GPM6A: variants seen among roughly 807,000 people sequenced by gnomAD.
GPM6A encodes the protein neuronal membrane glycoprotein M6-a.
Under a neutral mutation model 32.1 loss-of-function variants are expected in GPM6A, and 7 were observed. That is an observed-to-expected ratio of 0.22 (90% CI 0.12 to 0.41). GPM6A has a LOEUF of 0.41. Among genes scored for constraint, GPM6A ranks in the 10% least tolerant of loss-of-function variants. The pLI, the probability that GPM6A is intolerant of heterozygous loss-of-function variation, is 1.00. For missense variants in GPM6A, 235 were observed against 347.2 expected, an observed-to-expected ratio of 0.68 and a Z score of 2.57; for synonymous variants, 130 against 123.4, an observed-to-expected ratio of 1.05 and a Z score of -0.35.
intron 1 of GPM6A, chr4:175,807,568 A>G (rs1034678354): frequency 6.6e-6 from 1 of 152,232 alleles, no homozygotes; most frequent in African/African-American, 2.4e-5. Context: ...CGTTCTCAAG[A>G]AAGAAGGCCA....
chr4:175,872,064 A>G (rs1331347325), intron 1 of GPM6A, among the ~76,000 whole-genome samples: 1 of 151,980 alleles, frequency 6.6e-6, no homozygotes, highest in East Asian at 1.9e-4. Context: ...GATTCCACAT[A>G]TTTATTATTT....
At chr4:175,904,044 G>A (rs996311997) in intron 1 of GPM6A, among the ~76,000 whole-genome samples, 3 of 152,066 alleles carry the variant, frequency 2.0e-5, no homozygotes, top group Non-Finnish European at 4.4e-5. Context: ...TATTCTATGT[G>A]GATGGAGTAA....
intron 6 of GPM6A, among the ~76,000 whole-genome samples, chr4:175,636,589 A>T (rs1219525802): frequency 6.7e-6 from 1 of 150,346 alleles, no homozygotes. Flanking sequence ...TGAGGTCAGG[A>T]GTCCAAGACC....
intron 2 of GPM6A, among the ~76,000 whole-genome samples, chr4:175,675,824 G>T (rs1013836820): frequency 6.7e-5 from 10 of 150,142 alleles, no homozygotes; most frequent in African/African-American, 9.7e-5. Flanking sequence ...AAATTTCTTC[G>T]TTTTTTTTGT....
intron 1 of GPM6A, among the ~76,000 whole-genome samples, chr4:175,807,779 C>T (rs569911326): frequency 7.9e-5 from 12 of 152,190 alleles, no homozygotes; most frequent in Middle Eastern, 3.4e-3. Flanking sequence ...GGCAGTCCTT[C>T]GAAGGAGTGT....
intron 1 of GPM6A, among the ~76,000 whole-genome samples, chr4:175,953,318 T>A (rs1397840163): frequency 6.6e-6 from 1 of 151,990 alleles, no homozygotes; most frequent in African/African-American, 2.4e-5. Flanking sequence ...AGAGAAGTAG[T>A]CTAAGGGAAA....
intron 1 of GPM6A, among the ~76,000 whole-genome samples, chr4:175,744,436 C>T (rs577859735): frequency 6.1e-4 from 92 of 151,606 alleles, no homozygotes; most frequent in Non-Finnish European, 1.2e-3. Flanking sequence ...ATCTAAGCAT[C>T]CACTTTAAGA....
chr4:175,640,337 G>A (rs967171672), intron 5 of GPM6A, 143 bp from the exon 6 acceptor site: 1 of 658,000 alleles, frequency 1.5e-6, no homozygotes, highest in South Asian at 1.8e-5. Context: ...GATTAAAACA[G>A]ATTATTACAA....
At chr4:175,896,833 A>G (rs1737807659) in intron 1 of GPM6A, among the ~76,000 whole-genome samples, 2 of 152,202 alleles carry the variant, frequency 1.3e-5, no homozygotes. Context: ...ATGAAAAGAC[A>G]TTGATGTTTG....
In GPM6A at chr4:175,865,797, T is replaced by G. The variant is rs1736716193; in HGVS notation, c.-22-53548A>C. ...CTGCTGAGGAATATTTGTCTGTAGT[T>G]TTATTTCTTTGGATTTTCTTTGATT... On this transcript the variant is annotated intron_variant, in intron 1 of 7. Transcript: ENST00000280187. Among the ~76,000 whole-genome samples, 3 of 152,150 alleles carry G rather than the reference T, an allele frequency of 2.0e-5. No individual in the cohort carries two copies. In the South Asian group the frequency reaches 6.2e-4, roughly 31 times the overall value.
At position 175,640,145 on chromosome 4, in the gene GPM6A, G is replaced by A; in HGVS notation, c.668C>T (p.Ala223Val). 1 of 1,613,244 alleles carries A rather than the reference G, an allele frequency of 6.2e-7. No homozygotes were observed. The highest frequency in any genetic ancestry group is 8.5e-7 in the Non-Finnish European group (1 of 1,179,272). ...AGGTCTTACCATAGCAATGACTGCT[G>A]CCCCAGCTCCAGCAAGTGCCACAAT... ...LFIVALAGAG[A>V]AVIAMVHYLM... is the part of the protein sequence containing the mutation. The change falls in exon 6 of 7, where the codon GCA becomes GTA. Residue 223 changes from alanine to valine, a missense_variant. By Grantham distance (64) the Ala-to-Val change is moderately conservative. Transcript: ENST00000393658.
intron 1 of GPM6A, among the ~76,000 whole-genome samples, chr4:175,954,353 C>A (rs1321846305): frequency 6.6e-6 from 1 of 152,098 alleles, no homozygotes; most frequent in African/African-American, 2.4e-5. Context: ...GTGTGGCCCC[C>A]GTGGCTAGGT....
At chr4:175,756,418 T>C (rs1732527093) in intron 1 of GPM6A, among the ~76,000 whole-genome samples, 2 of 152,092 alleles carry the variant, frequency 1.3e-5, no homozygotes, top group Non-Finnish European at 2.9e-5. Flanking sequence ...TATGGCAATC[T>C]TGAAAGGTTT....
At chr4:175,708,889 G>C (rs1245565695) in intron 1 of GPM6A, among the ~76,000 whole-genome samples, 2 of 152,170 alleles carry the variant, frequency 1.3e-5, no homozygotes, top group Non-Finnish European at 2.9e-5. Flanking sequence ...CCCTGGGAGA[G>C]TCTGCATAAA....
chr4:175,740,915 A>C (rs925082324), intron 1 of GPM6A, among the ~76,000 whole-genome samples: 6 of 152,078 alleles, frequency 3.9e-5, no homozygotes, highest in African/African-American at 1.4e-4. Context: ...AGATCAGTGC[A>C]TAAAGATCCG....
At chr4:175,668,891 CAAAT>C (rs2110969590) in intron 3 of GPM6A, among the ~76,000 whole-genome samples, 1 of 152,182 alleles carries the variant, frequency 6.6e-6, no homozygotes, top group African/African-American at 2.4e-5. Context: ...TAAATGAACT[CAAAT>C]AAACCATAAA....
In GPM6A at chr4:175,673,687, C is replaced by G. The variant is rs777167907; in HGVS notation, c.380G>C (p.Ser127Thr). ...TGTAGAGAACTAACATACCCAAGCGCTCACACATCTGCCACAAGTGGTGAT... is the reference window on the plus strand; with the variant it reads ...TGTAGAGAACTAACATACCCAAGCGGTCACACATCTGCCACAAGTGGTGAT... ...FKITTCGRCV[S>T]AWFIMLTYLF... Residue 127 changes from serine to threonine, a missense_variant, in exon 3 of 7, where the codon AGC becomes ACC. By Grantham distance (58) the Ser-to-Thr change is moderately conservative. Coordinates refer to ENST00000393658, the MANE Select transcript of GPM6A (RefSeq NM_201591.3). 1.9e-6 allele frequency: 3 copies of G among 1,608,084 alleles called. No homozygotes were observed. Among genetic ancestry groups the G allele is most frequent in the Non-Finnish European group, 2.6e-6 (3 of 1,175,630 alleles).
chr4:175,901,558 T>A (rs1323317075), intron 1 of GPM6A, among the ~76,000 whole-genome samples: 1 of 151,778 alleles, frequency 6.6e-6, no homozygotes, highest in Non-Finnish European at 1.5e-5. Flanking sequence ...AACTCTCATA[T>A]ATTTTTTGGT....
intron 1 of GPM6A, among the ~76,000 whole-genome samples, chr4:175,949,012 G>T (rs1378979948): frequency 1.3e-5 from 2 of 151,014 alleles, no homozygotes; most frequent in Non-Finnish European, 3.0e-5. Flanking sequence ...ATGTGGTGGA[G>T]GGATGAGGTA....
Sources: allele counts gnomAD v4.1 joint callset (sites outside exome capture counted in the v4.1 genomes callset), GRCh38; gene constraint gnomAD v4.1.1; transcripts MANE v1.5; gene names NCBI Gene and HGNC (gene_info 2026-07-23, HGNC 2026-07-21).